KLF8: variants seen among roughly 807,000 people sequenced by gnomAD.
KLF8 encodes the protein KLF transcription factor 8, also known as Krueppel-like factor 8.
A neutral mutation model predicts 18.2 loss-of-function variants in KLF8; 10 were observed. That is an observed-to-expected ratio of 0.55 (90% CI 0.34 to 0.93). KLF8 has a LOEUF of 0.93. Among genes scored for constraint, KLF8 ranks in the 40% least tolerant of loss-of-function variants. The pLI is 0.02. For missense variants in KLF8, 264 were observed against 277.9 expected (o/e 0.95, Z 0.36); for synonymous variants, 109 against 97.3 (o/e 1.12, Z -0.71).
chrX:56,097,957 T>G, the KLF8 span, among the ~76,000 whole-genome samples: 1 of 110,539 alleles, frequency 9.0e-6, no homozygotes, highest in East Asian at 2.9e-4. Context: ...AAATTTCATA[T>G]TGAGATTTGA....
chrX:56,281,271 T>C (rs766315430), intron 5 of KLF8, among the ~76,000 whole-genome samples: 3 of 111,869 alleles, frequency 2.7e-5, no homozygotes, highest in East Asian at 5.6e-4. Flanking sequence ...ACCCTATATG[T>C]ACCATTCACT....
At chrX:56,052,433 A>G in the KLF8 span, among the ~76,000 whole-genome samples, 3 of 111,606 alleles carry the variant, frequency 2.7e-5, no homozygotes, top group African/African-American at 9.8e-5. Flanking sequence ...ATGGTGATGT[A>G]CAGATGGGTT....
the KLF8 span, among the ~76,000 whole-genome samples, chrX:56,096,262 G>C: frequency 1.8e-5 from 2 of 111,189 alleles, no homozygotes; most frequent in South Asian, 3.8e-4. Context: ...CTAGCATAAA[G>C]AGTGGAATAA....
the KLF8 span, among the ~76,000 whole-genome samples, chrX:55,944,859 T>A: frequency 9.0e-6 from 1 of 111,474 alleles, no homozygotes; most frequent in African/African-American, 3.3e-5. Flanking sequence ...TAGTTATTTC[T>A]TGCCTTCTGC....
At chrX:55,959,648 A>G in the KLF8 span, among the ~76,000 whole-genome samples, 1 of 112,094 alleles carries the variant, frequency 8.9e-6, no homozygotes, top group South Asian at 3.7e-4. Flanking sequence ...CGAGGAAAAA[A>G]TCTCAGAGCT....
At chrX:56,234,120 A>G (rs1203795183) in intron 1 of KLF8, among the ~76,000 whole-genome samples, 8 of 111,689 alleles carry the variant, frequency 7.2e-5, no homozygotes, top group Non-Finnish European at 1.1e-4. Context: ...ACATCCAAAC[A>G]GGTGGCCAAA....
intron 2 of KLF8, among the ~76,000 whole-genome samples, chrX:56,257,818 A>T (rs1002332478): frequency 1.8e-5 from 2 of 112,602 alleles, no homozygotes; most frequent in Non-Finnish European, 3.7e-5. Context: ...TGTGATGAAC[A>T]TATAAGTGCA....
At chrX:56,159,678 G>A in the KLF8 span, among the ~76,000 whole-genome samples, 2 of 112,356 alleles carry the variant, frequency 1.8e-5, no homozygotes, top group African/African-American at 3.2e-5. Flanking sequence ...TTTGCATAGA[G>A]GTGTTTATAG....
At chrX:56,233,485 TG>T in intron 1 of KLF8, 144 bp downstream of exon 1, 1 of 483,083 alleles carries the variant, frequency 2.1e-6, no homozygotes, top group East Asian at 3.6e-5. Flanking sequence ...GAACACTATG[TG>T]GAATCAAATG....
the KLF8 span, among the ~76,000 whole-genome samples, chrX:56,171,155 A>G: frequency 8.9e-6 from 1 of 112,068 alleles, no homozygotes; most frequent in Non-Finnish European, 1.9e-5. Flanking sequence ...CTAAACCACT[A>G]TATCTTTAGT....
chrX:56,233,445 TCAGCA>T, intron 1 of KLF8, 104 bp downstream of exon 1: 2 of 643,472 alleles, frequency 3.1e-6, no homozygotes, highest in Non-Finnish European at 5.2e-6. Context: ...ACTTGGGGTT[TCAGCA>T]GTGGGGGCGG....
the KLF8 span, among the ~76,000 whole-genome samples, chrX:56,107,149 T>G: frequency 4.5e-5 from 5 of 111,586 alleles, no homozygotes; most frequent in East Asian, 1.4e-3. Context: ...CTGGGAGGTG[T>G]CTCCCAGTTA....
intron 5 of KLF8, among the ~76,000 whole-genome samples, chrX:56,281,881 G>A (rs2067206832): frequency 8.9e-6 from 1 of 112,432 alleles, no homozygotes; most frequent in Non-Finnish European, 1.9e-5. Flanking sequence ...ATAATACAAG[G>A]GTAAATGCTT....
the KLF8 span, among the ~76,000 whole-genome samples, chrX:55,992,395 G>T: frequency 8.9e-6 from 1 of 111,871 alleles, no homozygotes; most frequent in Non-Finnish European, 1.9e-5. Flanking sequence ...CTTTGTCAAG[G>T]TCAGATGACT....
At chrX:56,144,820 T>A in the KLF8 span, among the ~76,000 whole-genome samples, 1 of 105,222 alleles carries the variant, frequency 9.5e-6, no homozygotes, top group African/African-American at 3.5e-5. Context: ...TGAGATGGAG[T>A]CTCGCTCTGT....
chrX:56,021,716 G>C, the KLF8 span, among the ~76,000 whole-genome samples: 99 of 110,480 alleles, frequency 9.0e-4, no homozygotes, highest in African/African-American at 3.2e-3. Flanking sequence ...TCTGTGAGTA[G>C]TTTTTAAGTA....
chrX:56,140,623 G>T, the KLF8 span, among the ~76,000 whole-genome samples: 1 of 109,647 alleles, frequency 9.1e-6, no homozygotes, highest in Non-Finnish European at 1.9e-5. Flanking sequence ...GTGGGAAGAG[G>T]GTGAAGATCG....
chrX:56,051,252 C>G, the KLF8 span, among the ~76,000 whole-genome samples: 2 of 110,801 alleles, frequency 1.8e-5, no homozygotes, highest in African/African-American at 6.6e-5. Context: ...TTAATTGGAG[C>G]ATTTAGTCCA....
intron 5 of KLF8, among the ~76,000 whole-genome samples, chrX:56,271,840 T>G (rs2067061769): frequency 9.0e-6 from 1 of 110,937 alleles, no homozygotes; most frequent in African/African-American, 3.3e-5. Context: ...GTAATCCCAC[T>G]TGACTATTTT....
Sources: allele counts gnomAD v4.1 joint callset (sites outside exome capture counted in the v4.1 genomes callset), GRCh38; gene constraint gnomAD v4.1.1; transcripts MANE v1.5; gene names NCBI Gene and HGNC (gene_info 2026-07-23, HGNC 2026-07-21).